CNTNAP2: variants seen among roughly 807,000 people sequenced by gnomAD.
The protein encoded by CNTNAP2 is contactin associated protein 2.
Under a neutral mutation model 155.2 loss-of-function variants are expected in CNTNAP2, and 98 were observed. The ratio of observed to expected loss-of-function variants is 0.63; its 90% CI spans 0.54 to 0.75. CNTNAP2 has a LOEUF of 0.75. Ranked by LOEUF, CNTNAP2 falls within the 30% of genes least tolerant of loss-of-function variation. CNTNAP2 has a pLI of 0.00. For synonymous variants in CNTNAP2, 651 were observed against 631.2 expected, an observed-to-expected ratio of 1.03 and a Z score of -0.47; for missense variants, 1,727 against 1,688.1, an observed-to-expected ratio of 1.02 and a Z score of -0.40.
chr7:148,227,161 T>G (rs1345771216), intron 19 of CNTNAP2, among the ~76,000 whole-genome samples: 1 of 151,402 alleles, frequency 6.6e-6, no homozygotes, highest in Non-Finnish European at 1.5e-5. Context: ...ACCGAAAGAG[T>G]GTGTGCTGGA....
chr7:146,361,505 A>G (rs888485503), intron 1 of CNTNAP2, among the ~76,000 whole-genome samples: 6 of 152,292 alleles, frequency 3.9e-5, no homozygotes, highest in South Asian at 2.1e-4. Context: ...CTAGGATTCA[A>G]GTGTTCACTG....
chr7:146,671,202 T>G (rs1800298261), intron 1 of CNTNAP2, among the ~76,000 whole-genome samples: 1 of 152,106 alleles, frequency 6.6e-6, no homozygotes, highest in African/African-American at 2.4e-5. Flanking sequence ...GACAGTGAAG[T>G]CATTAGTCTA....
At chr7:146,563,666 G>A (rs1254172950) in intron 1 of CNTNAP2, among the ~76,000 whole-genome samples, 1 of 152,094 alleles carries the variant, frequency 6.6e-6, no homozygotes, top group Non-Finnish European at 1.5e-5. Context: ...TGATCTTACG[G>A]TGTCTGCTAG....
intron 8 of CNTNAP2, among the ~76,000 whole-genome samples, chr7:147,275,507 A>G (rs1804876237): frequency 6.6e-6 from 1 of 152,034 alleles, no homozygotes; most frequent in Non-Finnish European, 1.5e-5. Flanking sequence ...TAGAAATGAT[A>G]CTGATTTTTA....
At chr7:148,183,945 T>G (rs1180759519) in intron 18 of CNTNAP2, among the ~76,000 whole-genome samples, 1 of 152,194 alleles carries the variant, frequency 6.6e-6, no homozygotes, top group Admixed American at 6.5e-5. Context: ...ATGAAAACAG[T>G]AGGGAATTTT....
intron 6 of CNTNAP2, among the ~76,000 whole-genome samples, chr7:147,123,693 T>C (rs1318864940): frequency 6.6e-6 from 1 of 152,220 alleles, no homozygotes; most frequent in Non-Finnish European, 1.5e-5. Context: ...TTTATATTGC[T>C]ACACTTTTCT....
chr7:146,350,505 C>T (rs1446362965), intron 1 of CNTNAP2, among the ~76,000 whole-genome samples: 1 of 151,842 alleles, frequency 6.6e-6, no homozygotes, highest in Non-Finnish European at 1.5e-5. Context: ...GTTAGAATGG[C>T]AATCATTAAA....
chr7:148,412,599 TG>T (rs1428156219), intron 23 of CNTNAP2, among the ~76,000 whole-genome samples: 2 of 152,260 alleles, frequency 1.3e-5, no homozygotes, highest in African/African-American at 4.8e-5. Flanking sequence ...TAACTTTTTT[TG>T]TATATTCCTC....
intron 1 of CNTNAP2, among the ~76,000 whole-genome samples, chr7:146,200,289 A>G (rs138689065): frequency 1.3e-5 from 2 of 152,090 alleles, no homozygotes; most frequent in Non-Finnish European, 2.9e-5. Context: ...ATGTCAAGAG[A>G]TCGAAACCAT....
intron 9 of CNTNAP2, among the ~76,000 whole-genome samples, chr7:147,348,164 G>C (rs541695598): frequency 9.2e-5 from 14 of 151,896 alleles, no homozygotes; most frequent in Non-Finnish European, 2.1e-4. Flanking sequence ...TAAGGAAAAT[G>C]AGATTATATC....
chr7:146,229,415 T>TC (rs1275329106), intron 1 of CNTNAP2, among the ~76,000 whole-genome samples: 1 of 152,132 alleles, frequency 6.6e-6, no homozygotes, highest in East Asian at 1.9e-4. Flanking sequence ...ATGACCCAAC[T>TC]CCCAAAGCCT....
At position 147,649,521 on chromosome 7, in the gene CNTNAP2, T is replaced by C. The variant is rs567947492; in HGVS notation, c.2098+10215T>C. Among the ~76,000 whole-genome samples the C allele has an allele frequency of 6.1e-4, 93 of 152,292 alleles. No individual in the cohort carries two copies. In the South Asian group the frequency reaches 0.019, roughly 31 times the overall value. Reference sequence around the variant, plus strand: ...GTTAATCTTTTTTAAACAAAGATTATATATTAAAATGAGAGCAACTTAGAA... The same window carrying C: ...GTTAATCTTTTTTAAACAAAGATTACATATTAAAATGAGAGCAACTTAGAA... On this transcript the variant is annotated intron_variant, in intron 13 of 23. Coordinates refer to ENST00000361727, the MANE Select transcript of CNTNAP2 (RefSeq NM_014141.6).
At chr7:147,781,865 T>C (rs1211650435) in intron 13 of CNTNAP2, among the ~76,000 whole-genome samples, 2 of 151,854 alleles carry the variant, frequency 1.3e-5, no homozygotes, top group Non-Finnish European at 2.9e-5. Context: ...CTACTACAAA[T>C]ACAAAAAATT....
At chr7:146,694,842 A>AT (rs2129172207) in intron 1 of CNTNAP2, among the ~76,000 whole-genome samples, 1 of 152,196 alleles carries the variant, frequency 6.6e-6, no homozygotes, top group African/African-American at 2.4e-5. Context: ...GTGTTTGATA[A>AT]TTTTTGTGCT....
intron 12 of CNTNAP2, among the ~76,000 whole-genome samples, chr7:147,579,248 T>C (rs1007100633): frequency 2.0e-5 from 3 of 152,142 alleles, no homozygotes; most frequent in Non-Finnish European, 4.4e-5. Context: ...TCTATGTTTA[T>C]CATTCTTTGT....
intron 1 of CNTNAP2, among the ~76,000 whole-genome samples, chr7:146,215,004 G>A (rs777572012): frequency 1.3e-5 from 2 of 152,092 alleles, no homozygotes; most frequent in Non-Finnish European, 2.9e-5. Context: ...CAGAAAATCT[G>A]CTCCGTTTGA....
At chr7:147,411,940 T>G (rs1378269700) in intron 10 of CNTNAP2, among the ~76,000 whole-genome samples, 1 of 152,182 alleles carries the variant, frequency 6.6e-6, no homozygotes, top group Non-Finnish European at 1.5e-5. Flanking sequence ...GAAAAAAATA[T>G]TTGATGCAGC....
intron 1 of CNTNAP2, among the ~76,000 whole-genome samples, chr7:146,367,625 A>G (rs1033128376): frequency 6.6e-6 from 1 of 152,144 alleles, no homozygotes; most frequent in African/African-American, 2.4e-5. Context: ...ATTTTATTGT[A>G]TCAAATTTTT....
chr7:146,200,223 G>A (rs955632371), intron 1 of CNTNAP2, among the ~76,000 whole-genome samples: 5 of 152,128 alleles, frequency 3.3e-5, no homozygotes, highest in Admixed American at 1.3e-4. Flanking sequence ...CTGGCCGGGC[G>A]TGGGGCTCAC....
Sources: allele counts gnomAD v4.1 joint callset (sites outside exome capture counted in the v4.1 genomes callset), GRCh38; gene constraint gnomAD v4.1.1; transcripts MANE v1.5; gene names NCBI Gene and HGNC (gene_info 2026-07-23, HGNC 2026-07-21).